The following SYNE3 variants were observed in gnomAD, a reference collection of about 807,000 sequenced individuals.
SYNE3 encodes the protein nesprin-3.
A neutral mutation model predicts 111.2 loss-of-function variants in SYNE3; 100 were observed. That is an observed-to-expected ratio of 0.90 (90% CI 0.77 to 1.06). The LOEUF (loss-of-function observed/expected upper bound fraction) is 1.06. SYNE3 is among the 50% of genes least tolerant of loss of function. SYNE3 has a pLI of 0.00. For missense variants in SYNE3, 1,160 were observed against 1,240.3 expected (o/e 0.94, Z 0.97); for synonymous variants, 547 against 533.9 (o/e 1.02, Z -0.34).
At chr14:95,491,709 TA>T (rs1012015991) in intron 1 of SYNE3, among the ~76,000 whole-genome samples, 1 of 130,740 alleles carries the variant, frequency 7.6e-6, no homozygotes, top group Non-Finnish European at 1.7e-5. Context: ...AGCAACAAAA[TA>T]AAAAAATAGA....
chr14:95,491,721 TA>T (rs140492041), intron 1 of SYNE3, among the ~76,000 whole-genome samples: 14,233 of 146,324 alleles, frequency 0.097, 707 homozygotes, highest in Non-Finnish European at 0.11. Flanking sequence ...AAAAAATAGA[TA>T]AATTAGGCAT....
intron 15 of SYNE3, among the ~76,000 whole-genome samples, chr14:95,436,308 C>T (rs1484551390): frequency 6.6e-6 from 1 of 152,136 alleles, no homozygotes; most frequent in Non-Finnish European, 1.5e-5. Context: ...TCTTTTCTGC[C>T]CTGCCTCTGC....
chr14:95,442,268 T>C (rs1392060341), intron 11 of SYNE3, among the ~76,000 whole-genome samples: 1 of 152,228 alleles, frequency 6.6e-6, no homozygotes, highest in Non-Finnish European at 1.5e-5. Context: ...TCTGACCACC[T>C]CCTTATGTCT....
chr14:95,465,809 G>C, intron 4 of SYNE3, 122 bp downstream of exon 4: 1 of 1,099,948 alleles, frequency 9.1e-7, no homozygotes, highest in Non-Finnish European at 1.3e-6. Flanking sequence ...ATTGATAGTA[G>C]AAAGATAGAT....
At chr14:95,450,372 C>T (rs1022985179) in intron 7 of SYNE3, 1 of 486,728 alleles carries the variant, frequency 2.1e-6, no homozygotes, top group Non-Finnish European at 3.6e-6. Context: ...GACCTGTAGT[C>T]TCATATAATT....
rs1903524281 is a variant in SYNE3 at position 95,414,723 on chromosome 14, A to ACG, written c.*3102_*3103insCG. 7.5e-6 allele frequency: 1 copy of ACG among 133,746 alleles called. No individual in the cohort carries two copies. The highest frequency in any genetic ancestry group is 2.7e-5 in the African/African-American group (1 of 37,182). 8.3% of individuals were successfully genotyped at this position (133,746 alleles called of 1,614,324 possible). On this transcript the variant is annotated 3_prime_UTR_variant, in exon 18 of 18. Coordinates refer to ENST00000682763, the MANE Select transcript of SYNE3 (RefSeq NM_152592.6). Reference sequence around the variant, plus strand: ...CACACACACACACACACACACACACACACACACACGCCACAGCGCCACCTT... The same window carrying ACG: ...CACACACACACACACACACACACACACGCACACACACGCCACAGCGCCACCTT...
chr14:95,462,684 G>A (rs1180244611), intron 4 of SYNE3, among the ~76,000 whole-genome samples: 1 of 152,162 alleles, frequency 6.6e-6, no homozygotes, highest in African/African-American at 2.4e-5. Flanking sequence ...GCCTTTCACT[G>A]TCCCAGCCTG....
chr14:95,455,754 C>T (rs1229131964), intron 5 of SYNE3, 30 bp from the exon 6 acceptor site: 9 of 1,601,632 alleles, frequency 5.6e-6, no homozygotes, highest in Non-Finnish European at 7.7e-6. Context: ...GAGGGAAAAA[C>T]AGGCAGGGAA....
At chr14:95,506,208 G>T (rs1299118087) in intron 1 of SYNE3, among the ~76,000 whole-genome samples, 1 of 152,192 alleles carries the variant, frequency 6.6e-6, no homozygotes, top group Non-Finnish European at 1.5e-5. Context: ...ATCTAATCTA[G>T]TCTAAGCCCC....
intron 17 of SYNE3, among the ~76,000 whole-genome samples, chr14:95,427,169 C>T (rs1020816621): frequency 1.3e-5 from 2 of 152,090 alleles, no homozygotes; most frequent in African/African-American, 2.4e-5. Flanking sequence ...TTCTGTTATG[C>T]CCGGACAGGG....
In SYNE3 at chr14:95,413,317, C is replaced by T. The variant is rs1007323891; in HGVS notation, c.*4509G>A. 6.6e-6 allele frequency: 1 copy of T among 152,284 alleles called. No individual in the cohort carries two copies. Among genetic ancestry groups the T allele is most frequent in the Non-Finnish European group, 1.5e-5 (1 of 68,090 alleles). The allele number at this position is 152,284 out of a possible 1,614,324, so 9.4% of individuals were successfully genotyped here. On this transcript the variant is annotated 3_prime_UTR_variant, in exon 18 of 18. Transcript: ENST00000682763. ...ACACAGTTCAGTAAATCAAGCCTGA[C>T]ATCACCTCTGGCCTTTGACTCCCTC...
chr14:95,468,804 C>T (rs1888349522), intron 2 of SYNE3, among the ~76,000 whole-genome samples: 2 of 152,174 alleles, frequency 1.3e-5, no homozygotes, highest in South Asian at 4.1e-4. Flanking sequence ...AGGACTAAGA[C>T]CAATGCATGA....
chr14:95,457,122 C>T, intron 5 of SYNE3, 55 bp downstream of exon 5: 1 of 1,534,518 alleles, frequency 6.5e-7, no homozygotes, highest in African/African-American at 1.4e-5. Flanking sequence ...ACATAGAACC[C>T]ACCCTCTGTG....
intron 4 of SYNE3, among the ~76,000 whole-genome samples, chr14:95,458,981 T>C (rs1452612351): frequency 3.3e-5 from 5 of 152,236 alleles, no homozygotes; most frequent in Non-Finnish European, 7.3e-5. Flanking sequence ...AGCTGGGACA[T>C]TGCAGAACTC....
intron 14 of SYNE3, among the ~76,000 whole-genome samples, chr14:95,437,605 GGAACTGCTGCA>G (rs1343972058): frequency 6.6e-6 from 1 of 152,214 alleles, no homozygotes; most frequent in African/African-American, 2.4e-5. Flanking sequence ...CCTGGACCTA[GGAACTGCTGCA>G]GGCTCCCATA....
chr14:95,448,377 A>G lies in SYNE3; in HGVS notation c.1449+1554T>C, dbSNP rs1886844204. Among the ~76,000 whole-genome samples, 3 of 102,568 alleles carry G rather than the reference A, an allele frequency of 2.9e-5. No individual in the cohort carries two copies. In the Admixed American group the frequency reaches 3.0e-4, roughly 10 times the overall value. 67.3% of individuals were successfully genotyped at this position (102,568 alleles called of 152,430 possible). On this transcript the variant is annotated intron_variant, in intron 8 of 17. Coordinates refer to ENST00000682763, the MANE Select transcript of SYNE3 (RefSeq NM_152592.6). ...CACTGGACCCTTGGAAAGAAAGGCC[A>G]TGCCCTGCAGCTTAAAAACTATTAA...
intron 17 of SYNE3, among the ~76,000 whole-genome samples, chr14:95,427,303 G>T (rs995967428): frequency 6.6e-6 from 1 of 152,144 alleles, no homozygotes; most frequent in Non-Finnish European, 1.5e-5. Context: ...TAGCAGACTG[G>T]GAAACGGAGT....
intron 4 of SYNE3, among the ~76,000 whole-genome samples, chr14:95,460,827 T>C (rs56157440): frequency 0.13 from 19,470 of 152,252 alleles, 1,619 homozygotes; most frequent in Non-Finnish European, 0.19. Context: ...GGCTGGATGC[T>C]GGGCCCCTGG....
chr14:95,516,196 C>G (rs886253347), intron 1 of SYNE3: 1 of 152,412 alleles, frequency 6.6e-6, no homozygotes, highest in African/African-American at 2.4e-5. Context: ...ATTGGGCCCC[C>G]GCCGCGCGCA....
Sources: gnomAD v4.1 joint callset for allele counts (sites outside exome capture counted in the v4.1 genomes callset) on GRCh38, gnomAD v4.1.1 for gene constraint, MANE v1.5 for transcripts, NCBI Gene and HGNC (gene_info 2026-07-23, HGNC 2026-07-21) for gene names.